IFI16: variants seen among roughly 807,000 people sequenced by gnomAD.
IFI16 encodes the protein gamma-interferon-inducible protein 16.
In IFI16, 49 loss-of-function variants were observed where a neutral mutation model predicts 68.4. That is an observed-to-expected ratio of 0.72 (90% confidence interval 0.57 to 0.91). IFI16 has a LOEUF of 0.91. Ranked by LOEUF, IFI16 falls within the 40% of genes least tolerant of loss-of-function variation. The pLI is 0.00. For synonymous variants in IFI16, 307 were observed against 315.0 expected (o/e 0.97, Z 0.27); for missense variants, 878 against 942.9 (o/e 0.93, Z 0.90).
At chr1:159,054,785 C>T in intron 11 of IFI16, 36 bp from the exon 12 acceptor site, 2 of 1,146,448 alleles carry the variant, frequency 1.7e-6, no homozygotes, top group Admixed American at 3.6e-5. Context: ...TCATCAGCAT[C>T]TCAACTGGTC....
rs562790672 is a variant in IFI16, at chr1:159,048,919, A to G, written c.1498-513A>G. On this transcript the variant is annotated intron_variant, in intron 8 of 11. Transcript: ENST00000295809. ...GCCTGATCCACACTGTAGTGATCAT[A>G]GAACCTTCCCTGAGGAATTGTGAAT... 2.0e-5 allele frequency among the ~76,000 whole-genome samples: 3 copies of G among 151,694 alleles called. No homozygotes were observed. In the East Asian group the frequency reaches 5.8e-4, roughly 29 times the overall value.
chr1:159,045,604 G>A (rs1294037558), intron 8 of IFI16, 140 bp downstream of exon 8: 1 of 816,134 alleles, frequency 1.2e-6, no homozygotes, highest in Non-Finnish European at 1.9e-6. Flanking sequence ...TTTATCAAGT[G>A]TGTATTTTGA....
upstream of IFI16, among the ~76,000 whole-genome samples, chr1:159,001,509 A>G (rs1195259805): frequency 6.6e-6 from 1 of 152,262 alleles, no homozygotes. Context: ...GAAAGTATTT[A>G]TAAAGTATTT....
chr1:159,027,469 T>G (rs1351351479), intron 6 of IFI16, among the ~76,000 whole-genome samples: 1 of 152,180 alleles, frequency 6.6e-6, no homozygotes, highest in Non-Finnish European at 1.5e-5. Flanking sequence ...TCATCAGGGA[T>G]ATTGGTCTGT....
Position 159,019,045 on chromosome 1 carries a change from G to A in IFI16, c.972+394G>A, listed in dbSNP as rs962717538. ...TCACATTATTTTTATTTTGAATGAA[G>A]TATTGTCCTCTGAGGCTTGAGTTCT... is the stretch of plus-strand genomic sequence containing the variant. On this transcript the variant is annotated intron_variant, in intron 5 of 11. Transcript: ENST00000295809. 2.0e-5 allele frequency among the ~76,000 whole-genome samples: 3 copies of A among 152,066 alleles called. No individual in the cohort carries two copies. In the South Asian group the frequency reaches 6.2e-4, roughly 32 times the overall value.
At chr1:159,041,465 T>G (rs1654635420) in intron 7 of IFI16, among the ~76,000 whole-genome samples, 1 of 152,174 alleles carries the variant, frequency 6.6e-6, no homozygotes, top group African/African-American at 2.4e-5. Flanking sequence ...ATGGAGAGGT[T>G]GGTGTACTAG....
intron 7 of IFI16, among the ~76,000 whole-genome samples, chr1:159,044,153 A>T (rs1335487363): frequency 6.6e-6 from 1 of 152,140 alleles, no homozygotes; most frequent in Non-Finnish European, 1.5e-5. Context: ...TCTTTATAAC[A>T]CCATAAAAAA....
chr1:159,022,005 C>A (rs559712988), intron 6 of IFI16, among the ~76,000 whole-genome samples: 227 of 122,644 alleles, frequency 1.9e-3, no homozygotes, highest in African/African-American at 6.4e-3. Flanking sequence ...GCTCTTTTGC[C>A]CAGGCGGGAG....
chr1:159,030,876 T>TGTGG (rs1553209150), intron 6 of IFI16, among the ~76,000 whole-genome samples: 17 of 148,582 alleles, frequency 1.1e-4, no homozygotes, highest in South Asian at 6.3e-4. Flanking sequence ...AGGTGGTGGG[T>TGTGG]GGGGGGGCCA....
intron 1 of IFI16, among the ~76,000 whole-genome samples, chr1:159,014,440 C>T (rs1377088600): frequency 6.9e-6 from 1 of 144,330 alleles, no homozygotes; most frequent in East Asian, 2.0e-4. Context: ...CAACTGGACC[C>T]AACTCAACTA....
rs1553208738 is a variant in IFI16, at chr1:159,028,796, T to TCTGATGTAAGAATAGCTACTCCTGTTGC, written c.1162-3728_1162-3727insCTGATGTAAGAATAGCTACTCCTGTTGC. Reference sequence around the variant, plus strand: ...TTAACTGCTGTTGCTTTAAAGTTTGTTTTTTGGTGTCCATTTGCATAGTAT... The same window carrying TCTGATGTAAGAATAGCTACTCCTGTTGC: ...TTAACTGCTGTTGCTTTAAAGTTTGTCTGATGTAAGAATAGCTACTCCTGTTGCTTTTTGGTGTCCATTTGCATAGTAT... On this transcript the variant is annotated intron_variant, in intron 6 of 11. Transcript: ENST00000295809. Among the ~76,000 whole-genome samples, 551 of 151,000 alleles carry TCTGATGTAAGAATAGCTACTCCTGTTGC rather than the reference T, an allele frequency of 3.6e-3. 21 individuals carry two copies. The East Asian group carries it at 0.085, about 23-fold the overall frequency.
At chr1:159,013,178 T>C (rs1324163773) in intron 1 of IFI16, among the ~76,000 whole-genome samples, 1 of 138,766 alleles carries the variant, frequency 7.2e-6, no homozygotes, top group Admixed American at 7.2e-5. Context: ...TTTTTTTTTT[T>C]TTTTTTTTTT....
chr1:159,049,702 C>T, intron 9 of IFI16, 103 bp downstream of exon 9: 1 of 1,305,004 alleles, frequency 7.7e-7, no homozygotes. Flanking sequence ...ACATACAATG[C>T]TTTAATTTAA....
rs147912159 is a variant in IFI16 at position 159,021,554 on chromosome 1, G to A, written c.1161+1025G>A. Among the ~76,000 whole-genome samples the A allele has an allele frequency of 3.2e-3, 490 of 152,296 alleles. 4 individuals carry two copies. Among genetic ancestry groups the A allele is most frequent in the African/African-American group, 0.012 (478 of 41,544 alleles). On this transcript the variant is annotated intron_variant, in intron 6 of 11. Transcript: ENST00000295809. ...TTTTGCAGTTGTGAATTGTGCTGCT[G>A]TAAACATGCATGTGCAATGATCTTT...
At chr1:159,032,258 G>T (rs1654042417) in intron 6 of IFI16, among the ~76,000 whole-genome samples, 1 of 152,152 alleles carries the variant, frequency 6.6e-6, no homozygotes, top group Non-Finnish European at 1.5e-5. Context: ...GCTGGCTTTT[G>T]TCATAAAGAC....
At chr1:159,030,823 C>T (rs1305976952) in intron 6 of IFI16, among the ~76,000 whole-genome samples, 1 of 148,584 alleles carries the variant, frequency 6.7e-6, no homozygotes, top group African/African-American at 2.5e-5. Flanking sequence ...AGGGAGGATA[C>T]AAGCTTGCCC....
At chr1:159,032,039 T>C (rs1654030092) in intron 6 of IFI16, among the ~76,000 whole-genome samples, 1 of 152,246 alleles carries the variant, frequency 6.6e-6, no homozygotes, top group Non-Finnish European at 1.5e-5. Flanking sequence ...TCTTATTCCA[T>C]TGCCTTGTAC....
chr1:159,024,862 G>A (rs558526361), intron 6 of IFI16, among the ~76,000 whole-genome samples: 24 of 152,234 alleles, frequency 1.6e-4, no homozygotes, highest in African/African-American at 5.1e-4. Flanking sequence ...CTTAATCTTA[G>A]TACAGTAACC....
At chr1:159,007,681 C>T (rs539755913), upstream of IFI16, among the ~76,000 whole-genome samples, 4 of 152,132 alleles carry the variant, frequency 2.6e-5, no homozygotes, top group South Asian at 8.3e-4. Flanking sequence ...GATTAGCACC[C>T]TTATAAGAAG....
Sources: allele counts gnomAD v4.1 joint callset (sites outside exome capture counted in the v4.1 genomes callset), GRCh38; gene constraint gnomAD v4.1.1; transcripts MANE v1.5; gene names NCBI Gene and HGNC (gene_info 2026-07-23, HGNC 2026-07-21).